Variants in ZNF624 observed in about 807,000 individuals in gnomAD.
The protein encoded by ZNF624 is zinc finger protein 624.
In ZNF624, 43 loss-of-function variants were observed where a neutral mutation model predicts 74.7. That is an observed-to-expected ratio of 0.58 (90% CI 0.45 to 0.74). The LOEUF (loss-of-function observed/expected upper bound fraction) is 0.74, where lower values mean the gene tolerates loss of function less well. Ranked by LOEUF, ZNF624 falls within the 30% of genes least tolerant of loss-of-function variation. The probability of loss-of-function intolerance (pLI) is 0.00; values close to 1 mark genes in which losing one functional copy is unlikely to be tolerated. For synonymous variants in ZNF624, 331 were observed against 341.3 expected, an observed-to-expected ratio of 0.97 and a Z score of 0.33; for missense variants, 820 against 1,030.0, an observed-to-expected ratio of 0.80 and a Z score of 2.79.
chr17:16,617,013 C>T, downstream of ZNF624: 1 of 1,608,210 alleles, frequency 6.2e-7, no homozygotes. Context: ...TGGATTTTGA[C>T]TTTGTATGAC....
intron 3 of ZNF624, among the ~76,000 whole-genome samples, chr17:16,638,897 G>A (rs1420614446): frequency 1.3e-5 from 2 of 152,036 alleles, no homozygotes; most frequent in Non-Finnish European, 2.9e-5. Context: ...CAGGTTTAAG[G>A]GATGTAAACT....
At chr17:16,651,614 T>C (rs1232507994) in intron 1 of ZNF624, among the ~76,000 whole-genome samples, 1 of 152,104 alleles carries the variant, frequency 6.6e-6, no homozygotes, top group East Asian at 1.9e-4. Context: ...GATTCCTGTA[T>C]TGAAGCCTCA....
intron 1 of ZNF624, among the ~76,000 whole-genome samples, chr17:16,653,256 T>C (rs1909770328): frequency 6.6e-6 from 1 of 152,210 alleles, no homozygotes; most frequent in Non-Finnish European, 1.5e-5. Context: ...GGTTACTGAG[T>C]AGCGCAGGTC....
chr17:16,628,995 C>A (rs945057221), intron 5 of ZNF624, among the ~76,000 whole-genome samples: 1 of 151,832 alleles, frequency 6.6e-6, no homozygotes, highest in Non-Finnish European at 1.5e-5. Flanking sequence ...GGTCAGAGTT[C>A]GAGACCAGCC....
At chr17:16,625,693 G>A (rs1458091573) in intron 5 of ZNF624, among the ~76,000 whole-genome samples, 5 of 152,022 alleles carry the variant, frequency 3.3e-5, no homozygotes. Context: ...GGTAATTATT[G>A]TTTAATTAAG....
At chr17:16,637,746 C>T (rs1909368927) in intron 3 of ZNF624, among the ~76,000 whole-genome samples, 1 of 152,222 alleles carries the variant, frequency 6.6e-6, no homozygotes, top group Non-Finnish European at 1.5e-5. Context: ...ACATGTTAGG[C>T]TTAAAACCAT....
intron 3 of ZNF624, among the ~76,000 whole-genome samples, chr17:16,639,301 G>GTA (rs949455279): frequency 1.6e-4 from 24 of 152,132 alleles, no homozygotes; most frequent in South Asian, 6.2e-4. Context: ...CATGTCTTAT[G>GTA]TATATATATA....
At position 16,622,534 on chromosome 17, in the gene ZNF624, T is replaced by C. The variant is rs1395413320; in HGVS notation, c.2352A>G (p.Glu784=). The C allele has an allele frequency of 1.2e-6, 2 of 1,613,872 alleles. No homozygotes were observed. Among genetic ancestry groups the C allele is most frequent in the East Asian group, 2.2e-5 (1 of 44,882 alleles). ...HTGEKPYTCK[E]CGKGCITLSQ... is the part of the protein sequence containing the mutation. Reference sequence around the variant, plus strand: ...ATAGAGTAATACAACCCTTTCCACATTCCTTACAGGTGTAGGGTTTTTCTC... The same window carrying C: ...ATAGAGTAATACAACCCTTTCCACACTCCTTACAGGTGTAGGGTTTTTCTC... Residue 784 remains glutamate (E), a synonymous_variant, in exon 6 of 6, where the codon GAA becomes GAG. Transcript: ENST00000311331.
At chr17:16,637,478 T>C (rs1033584823) in intron 3 of ZNF624, among the ~76,000 whole-genome samples, 1 of 152,170 alleles carries the variant, frequency 6.6e-6, no homozygotes, top group African/African-American at 2.4e-5. Flanking sequence ...ACTACAAGGC[T>C]ACAGTAACCA....
rs892021372 is a variant in ZNF624 at position 16,620,979 on chromosome 17, C to A, written c.*1309G>T. ...CATTTTTCTGTTTTTACAGTCTCCC[C>A]TTCCCTTATCTCTACTTCTCCTTTT... On this transcript the variant is annotated 3_prime_UTR_variant, in exon 6 of 6. Transcript: ENST00000311331. 2.6e-5 allele frequency: 4 copies of A among 152,090 alleles called. No individual in the cohort carries two copies. Among genetic ancestry groups the A allele is most frequent in the African/African-American group, 9.7e-5 (4 of 41,432 alleles). The allele number at this position is 152,090 out of a possible 1,614,324, so 9.4% of individuals were successfully genotyped here. A position where few individuals can be genotyped will look rare whatever the true frequency, so the allele number is the denominator to read the frequency against.
intron 1 of ZNF624, among the ~76,000 whole-genome samples, chr17:16,650,009 G>C (rs1909683826): frequency 6.6e-6 from 1 of 152,036 alleles, no homozygotes; most frequent in Non-Finnish European, 1.5e-5. Context: ...CAACCTAGTA[G>C]GAATAATATT....
chr17:16,647,289 T>G (rs750677327), intron 3 of ZNF624, 40 bp downstream of exon 3: 2 of 1,530,800 alleles, frequency 1.3e-6, no homozygotes. Flanking sequence ...AAAATAGGCA[T>G]TTTCTCTGTA....
chr17:16,647,272 A>G, intron 3 of ZNF624, 57 bp downstream of exon 3: 1 of 1,375,190 alleles, frequency 7.3e-7, no homozygotes, highest in Non-Finnish European at 1.0e-6. Context: ...TGAGAATCAG[A>G]GGCAGTAAAA....
In ZNF624 at chr17:16,623,940, G is replaced by C. The variant is rs774838950; in HGVS notation, c.946C>G (p.Pro316Ala). ...CNECGKTFSQPSYLSQHKKIH... is the reference protein window; with the variant it reads ...CNECGKTFSQASYLSQHKKIH... ...TTTTTGTGCTGACTGAGATATGAAG[G>C]CTGGCTGAATGTTTTCCCACATTCA... The change falls in exon 6 of 6, where the codon CCT (proline) becomes GCT (alanine). Residue 316 changes from proline to alanine, a missense_variant. Pro to Ala is a conservative substitution (Grantham distance 27). Coordinates refer to ENST00000311331, the MANE Select transcript of ZNF624 (RefSeq NM_020787.4). This position sits in a 1 kb window ranked among gnomAD's most constrained non-coding sequence, Gnocchi z 5.3. The C allele has an allele frequency of 1.2e-6, 2 of 1,613,778 alleles. No homozygotes were observed. Among genetic ancestry groups the C allele is most frequent in the South Asian group, 2.2e-5 (2 of 91,060 alleles).
downstream of ZNF624, chr17:16,617,781 T>G: frequency 1.9e-6 from 3 of 1,611,378 alleles, no homozygotes; most frequent in Admixed American, 5.0e-5. Flanking sequence ...GTAGCCATTT[T>G]TGAGGTCTAC....
downstream of ZNF624, chr17:16,617,629 G>A (rs895571767): frequency 5.2e-5 from 83 of 1,607,070 alleles, no homozygotes; most frequent in African/African-American, 1.0e-3. Flanking sequence ...CCACCACGGC[G>A]GCTTCCGTAG....
downstream of ZNF624, among the ~76,000 whole-genome samples, chr17:16,619,988 T>C (rs943327502): frequency 2.0e-5 from 3 of 152,220 alleles, no homozygotes; most frequent in African/African-American, 7.2e-5. Context: ...CTCTTAGTAA[T>C]AGTTAATGTT....
intron 3 of ZNF624, among the ~76,000 whole-genome samples, chr17:16,645,180 C>T (rs1909558244): frequency 1.3e-5 from 2 of 152,192 alleles, no homozygotes; most frequent in South Asian, 4.1e-4. Flanking sequence ...TGGCTCATGC[C>T]TGTAATCCCA....
intron 3 of ZNF624, among the ~76,000 whole-genome samples, chr17:16,645,555 C>T (rs1269763530): frequency 2.7e-5 from 4 of 150,188 alleles, no homozygotes; most frequent in South Asian, 2.1e-4. Context: ...CTTTGTTAGA[C>T]GTTTGTACTA....
Sources: allele counts gnomAD v4.1 joint callset (sites outside exome capture counted in the v4.1 genomes callset), GRCh38; gene constraint gnomAD v4.1.1; non-coding constraint Gnocchi (gnomAD v3.1); transcripts MANE v1.5; gene names NCBI Gene and HGNC (gene_info 2026-07-23, HGNC 2026-07-21).